Variants in PRUNE2 observed in about 807,000 individuals in gnomAD.
PRUNE2 encodes prune homolog 2 with BCH domain.
In PRUNE2, 164 loss-of-function variants were observed where a neutral mutation model predicts 252.0. The observed-to-expected ratio is 0.65, with a 90% confidence interval of 0.57 to 0.74. PRUNE2 has a LOEUF of 0.74. Among genes scored for constraint, PRUNE2 ranks in the 30% least tolerant of loss-of-function variants. The probability of loss-of-function intolerance (pLI) is 0.00; values close to 1 mark genes in which losing one functional copy is unlikely to be tolerated. For synonymous variants in PRUNE2, 1,292 were observed against 1,350.2 expected (o/e 0.96, Z 0.94); for missense variants, 3,495 against 3,711.0 (o/e 0.94, Z 1.51).
intron 11 of PRUNE2, among the ~76,000 whole-genome samples, chr9:76,647,656 C>A (rs1348234715): frequency 6.6e-6 from 1 of 152,110 alleles, no homozygotes; most frequent in Non-Finnish European, 1.5e-5. Flanking sequence ...CCAAAATATA[C>A]AAAGAATGCT....
chr9:76,645,120 G>T, intron 11 of PRUNE2: 2 of 478,076 alleles, frequency 4.2e-6, no homozygotes, highest in Non-Finnish European at 7.4e-6. Context: ...ACTCAATGAA[G>T]TCTTCTTTTA....
At chr9:76,893,676 C>T (rs2062632235) in intron 1 of PRUNE2, among the ~76,000 whole-genome samples, 1 of 152,198 alleles carries the variant, frequency 6.6e-6, no homozygotes, top group South Asian at 2.1e-4. Flanking sequence ...GAAAGAATTC[C>T]ACAGAAGTGA....
chr9:76,631,624 C>T (rs1459749030), intron 15 of PRUNE2, among the ~76,000 whole-genome samples: 2 of 152,220 alleles, frequency 1.3e-5, no homozygotes, highest in South Asian at 2.1e-4. Context: ...GGACAGCAAT[C>T]GAGCTATGTG....
intron 1 of PRUNE2, among the ~76,000 whole-genome samples, chr9:76,867,084 A>C (rs973895106): frequency 3.3e-5 from 5 of 152,124 alleles, no homozygotes; most frequent in African/African-American, 9.7e-5. Context: ...GTTCCTGGGC[A>C]GCTATAGCCT....
chr9:76,841,189 C>T (rs1255404025), intron 4 of PRUNE2, among the ~76,000 whole-genome samples: 1 of 152,060 alleles, frequency 6.6e-6, no homozygotes, highest in Non-Finnish European at 1.5e-5. Context: ...GGTGGGGTAT[C>T]GCCTCACCCA....
At chr9:76,642,218 C>T (rs1842932985) in intron 12 of PRUNE2, among the ~76,000 whole-genome samples, 1 of 152,066 alleles carries the variant, frequency 6.6e-6, no homozygotes, top group South Asian at 2.1e-4. Context: ...GCTGTTGGCT[C>T]ATAGGATGTG....
chr9:76,617,914 T>G (rs1830448706), intron 18 of PRUNE2, among the ~76,000 whole-genome samples: 1 of 152,010 alleles, frequency 6.6e-6, no homozygotes, highest in Non-Finnish European at 1.5e-5. Context: ...TCAAGGGGGG[T>G]GCTGTTTTGC....
At chr9:76,743,526 T>C (rs1170119802) in intron 6 of PRUNE2, among the ~76,000 whole-genome samples, 15 of 151,250 alleles carry the variant, frequency 9.9e-5, no homozygotes, top group Admixed American at 2.0e-4. Flanking sequence ...GCAAAGAATA[T>C]CATGCTAATA....
chr9:76,632,600 C>T (rs1363839581), intron 15 of PRUNE2, among the ~76,000 whole-genome samples: 1 of 152,288 alleles, frequency 6.6e-6, no homozygotes, highest in South Asian at 2.1e-4. Flanking sequence ...CTCTGTCACC[C>T]AGGCTGGAGT....
chr9:76,858,028 T>C (rs1249462107), intron 1 of PRUNE2, among the ~76,000 whole-genome samples: 3 of 152,186 alleles, frequency 2.0e-5, no homozygotes, highest in Non-Finnish European at 4.4e-5. Context: ...CTGATGTCCC[T>C]TGATACAGTT....
chr9:76,619,422 T>G (rs748599765), intron 17 of PRUNE2, 35 bp from the exon 18 acceptor site: 1 of 1,494,088 alleles, frequency 6.7e-7, no homozygotes, highest in Non-Finnish European at 9.3e-7. Flanking sequence ...GCAGTCAACA[T>G]TTCCCCACTG....
intron 6 of PRUNE2, among the ~76,000 whole-genome samples, chr9:76,722,224 A>ATTTTTTTTTTTTTTTTT (rs57390775): frequency 7.7e-6 from 1 of 130,558 alleles, no homozygotes; most frequent in Non-Finnish European, 1.7e-5. Flanking sequence ...ACACCCTGCT[A>ATTTTTTTTTTTTTTTTT]TTTTTTTTTT....
At chr9:76,615,303 A>G (rs1481049455) in intron 18 of PRUNE2, 13 of 894,924 alleles carry the variant, frequency 1.5e-5, no homozygotes, top group African/African-American at 1.8e-5. Flanking sequence ...TTCAGTTGCG[A>G]TAAAAGAGAA....
At chr9:76,700,045 A>C (rs2045745900) in intron 9 of PRUNE2, 1 of 152,256 alleles carries the variant, frequency 6.6e-6, no homozygotes, top group Non-Finnish European at 1.5e-5. Context: ...CCTAGGGAAC[A>C]TGAATGCAGT....
At chr9:76,857,665 G>A (rs2060331155) in intron 1 of PRUNE2, among the ~76,000 whole-genome samples, 1 of 152,162 alleles carries the variant, frequency 6.6e-6, no homozygotes, top group Non-Finnish European at 1.5e-5. Context: ...CACCCTGTAC[G>A]TGAGCTCAAT....
intron 6 of PRUNE2, among the ~76,000 whole-genome samples, chr9:76,782,235 CA>C (rs1463298462): frequency 6.6e-6 from 1 of 151,832 alleles, no homozygotes; most frequent in Non-Finnish European, 1.5e-5. Context: ...AAAAAGAAAG[CA>C]TTGGGAAAGC....
At chr9:76,726,508 AAAGAT>A (rs1439995387) in intron 6 of PRUNE2, among the ~76,000 whole-genome samples, 1 of 152,232 alleles carries the variant, frequency 6.6e-6, no homozygotes, top group East Asian at 1.9e-4. Context: ...TGATGCTTGG[AAAGAT>A]AAGTTTAGTG....
At chr9:76,698,294 G>A (rs1002212524) in intron 9 of PRUNE2, among the ~76,000 whole-genome samples, 8 of 152,026 alleles carry the variant, frequency 5.3e-5, no homozygotes, top group African/African-American at 2.4e-5. Context: ...TGATCCACCC[G>A]CTTTGGCCTC....
intron 6 of PRUNE2, among the ~76,000 whole-genome samples, chr9:76,726,399 A>T (rs1374825027): frequency 1.3e-5 from 2 of 152,196 alleles, no homozygotes; most frequent in African/African-American, 4.8e-5. Flanking sequence ...ACACAGGCAC[A>T]CGCACATACA....
Sources: gnomAD v4.1 joint callset for allele counts (sites outside exome capture counted in the v4.1 genomes callset) on GRCh38, gnomAD v4.1.1 for gene constraint, MANE v1.5 for transcripts, NCBI Gene and HGNC (gene_info 2026-07-23, HGNC 2026-07-21) for gene names.